DPYD: variants seen among roughly 807,000 people sequenced by gnomAD.
DPYD encodes the protein dihydropyrimidine dehydrogenase.
DPYD carries 109 observed loss-of-function variants against 116.2 expected under a neutral mutation model. The ratio of observed to expected loss-of-function variants is 0.94; its 90% CI spans 0.80 to 1.10. The LOEUF (loss-of-function observed/expected upper bound fraction) is 1.10. Ranked by LOEUF, DPYD falls within the 50% of genes least tolerant of loss-of-function variation. The probability of loss-of-function intolerance (pLI) is 0.00; values close to 1 mark genes in which losing one functional copy is unlikely to be tolerated. For missense variants in DPYD, 1,302 were observed against 1,254.5 expected (o/e 1.04, Z -0.57); for synonymous variants, 440 against 432.0 (o/e 1.02, Z -0.23).
intron 13 of DPYD, among the ~76,000 whole-genome samples, chr1:97,504,391 G>A (rs1679765554): frequency 6.6e-6 from 1 of 151,898 alleles, no homozygotes; most frequent in African/African-American, 2.4e-5. Flanking sequence ...ATTTTCCTGT[G>A]GACCAATTAA....
In DPYD at chr1:97,113,588, C is replaced by T. The variant is rs145002804; in HGVS notation, c.2623-14956G>A. On this transcript the variant is annotated intron_variant, in intron 20 of 22. Coordinates refer to ENST00000370192, the MANE Select transcript of DPYD (RefSeq NM_000110.4). ...AATTTCATTTTGTGGAACGTCTTTC[C>T]AAGACAATGTGTTTTCTTTGTCTAG... 2.2e-3 allele frequency among the ~76,000 whole-genome samples: 342 copies of T among 152,058 alleles called. 9 individuals are homozygous for T. Among genetic ancestry groups the T allele is most frequent in the Admixed American group, 0.018 (276 of 15,258 alleles).
chr1:97,186,825 G>A (rs900659547), intron 20 of DPYD, among the ~76,000 whole-genome samples: 1 of 152,054 alleles, frequency 6.6e-6, no homozygotes, highest in East Asian at 1.9e-4. Context: ...TCCAGCCTGG[G>A]TGACAGAGCA....
intron 14 of DPYD, among the ~76,000 whole-genome samples, chr1:97,390,286 A>T (rs950333391): frequency 6.6e-6 from 1 of 152,090 alleles, no homozygotes; most frequent in Non-Finnish European, 1.5e-5. Context: ...ACTATAAATT[A>T]CAAGCAGCCA....
intron 18 of DPYD, among the ~76,000 whole-genome samples, chr1:97,301,811 A>C (rs1454289000): frequency 6.6e-6 from 1 of 151,954 alleles, no homozygotes; most frequent in East Asian, 1.9e-4. Flanking sequence ...TCATGTGAAA[A>C]TGTCACACCA....
At chr1:97,315,471 T>A (rs1458058390) in intron 16 of DPYD, among the ~76,000 whole-genome samples, 1 of 151,950 alleles carries the variant, frequency 6.6e-6, no homozygotes, top group Non-Finnish European at 1.5e-5. Context: ...TTGCTTCCAC[T>A]TTTTTCCTTT....
intron 18 of DPYD, among the ~76,000 whole-genome samples, chr1:97,270,025 T>C (rs569104168): frequency 2.0e-4 from 30 of 152,290 alleles, no homozygotes; most frequent in African/African-American, 7.0e-4. Flanking sequence ...AACTCTTCCA[T>C]ATTTCAGGTG....
intron 8 of DPYD, among the ~76,000 whole-genome samples, chr1:97,611,671 G>A (rs531814041): frequency 1.3e-4 from 20 of 151,830 alleles, no homozygotes; most frequent in Non-Finnish European, 1.8e-4. Context: ...AGACAAATCC[G>A]AGCCAGAACC....
intron 3 of DPYD, among the ~76,000 whole-genome samples, chr1:97,742,881 A>G (rs958634558): frequency 2.0e-5 from 3 of 152,088 alleles, no homozygotes; most frequent in African/African-American, 4.8e-5. Context: ...AAGTAAGCGC[A>G]CACACACACA....
At chr1:97,569,441 T>C (rs1652747959) in intron 11 of DPYD, among the ~76,000 whole-genome samples, 1 of 147,910 alleles carries the variant, frequency 6.8e-6, no homozygotes, top group Non-Finnish European at 1.5e-5. Flanking sequence ...ATTTATATTA[T>C]ATTTATATTA....
intron 5 of DPYD, among the ~76,000 whole-genome samples, chr1:97,702,320 T>C (rs1053041577): frequency 1.3e-5 from 2 of 151,674 alleles, no homozygotes; most frequent in African/African-American, 2.4e-5. Context: ...AAAGAGATAC[T>C]TAAAACATAT....
At chr1:97,907,605 T>G (rs1673703497) in intron 1 of DPYD, among the ~76,000 whole-genome samples, 1 of 152,136 alleles carries the variant, frequency 6.6e-6, no homozygotes, top group Non-Finnish European at 1.5e-5. Flanking sequence ...AATTTGAATT[T>G]AATAAATACT....
At chr1:97,316,559 AATATC>A (rs1667864463) in intron 16 of DPYD, among the ~76,000 whole-genome samples, 1 of 143,632 alleles carries the variant, frequency 7.0e-6, no homozygotes, top group South Asian at 2.2e-4. Flanking sequence ...AATAAAATAA[AATATC>A]ATTCATTGAG....
intron 18 of DPYD, among the ~76,000 whole-genome samples, chr1:97,301,068 A>G (rs2101021639): frequency 6.6e-6 from 1 of 152,210 alleles, no homozygotes; most frequent in East Asian, 1.9e-4. Flanking sequence ...ACACAGCTAG[A>G]TTTCAAATCA....
At chr1:97,647,273 T>G (rs1013590242) in intron 8 of DPYD, among the ~76,000 whole-genome samples, 1 of 152,094 alleles carries the variant, frequency 6.6e-6, no homozygotes, top group Non-Finnish European at 1.5e-5. Context: ...CATATATTCT[T>G]AAATTTTAAC....
chr1:97,572,890 C>A (rs1292040950), intron 11 of DPYD, among the ~76,000 whole-genome samples: 1 of 151,852 alleles, frequency 6.6e-6, no homozygotes, highest in Non-Finnish European at 1.5e-5. Context: ...CAACTTCAGA[C>A]AAAAAATGTA....
chr1:97,883,204 C>T (rs2101642323), intron 2 of DPYD, 60 bp downstream of exon 2: 1 of 1,104,918 alleles, frequency 9.1e-7, no homozygotes, highest in Non-Finnish European at 1.4e-6. Context: ...TAAAATCTTG[C>T]CTTACAATGT....
intron 18 of DPYD, among the ~76,000 whole-genome samples, chr1:97,273,556 G>C (rs1322387126): frequency 6.6e-6 from 1 of 152,156 alleles, no homozygotes; most frequent in South Asian, 2.1e-4. Context: ...ACAGTGTGGA[G>C]AGAGGACTAA....
At chr1:97,105,602 A>G (rs1226844438) in intron 20 of DPYD, among the ~76,000 whole-genome samples, 3 of 152,122 alleles carry the variant, frequency 2.0e-5, no homozygotes, top group Admixed American at 1.3e-4. Context: ...GACAGCTGGA[A>G]TTTATAGCCA....
chr1:97,358,705 T>A lies in DPYD; in HGVS notation c.2058+14856A>T, dbSNP rs545214172. On this transcript the variant is annotated intron_variant, in intron 16 of 22. Transcript: ENST00000370192. ...GAGCTCCAGCAAACTTCAACAGACC[T>A]GTAGCTGAGGGACCTGACTATTAGA... Among the ~76,000 whole-genome samples the A allele has an allele frequency of 2.0e-5, 3 of 152,248 alleles. No individual in the cohort carries two copies. In the East Asian group the frequency reaches 5.8e-4, roughly 29 times the overall value.
Sources: gnomAD v4.1 joint callset for allele counts (sites outside exome capture counted in the v4.1 genomes callset) on GRCh38, gnomAD v4.1.1 for gene constraint, MANE v1.5 for transcripts, NCBI Gene and HGNC (gene_info 2026-07-23, HGNC 2026-07-21) for gene names.